AGBL1: variants seen among roughly 807,000 people sequenced by gnomAD.
The protein encoded by AGBL1 is cytosolic carboxypeptidase 4.
In AGBL1, 130 loss-of-function variants were observed where a neutral mutation model predicts 118.9. The ratio of observed to expected loss-of-function variants is 1.09; its 90% confidence interval spans 0.95 to 1.26. AGBL1 has a LOEUF of 1.26. Among genes scored for constraint, AGBL1 ranks in the 50% most tolerant of loss-of-function variants. AGBL1 has a pLI of 0.00. For missense variants in AGBL1, 1,584 were observed against 1,298.1 expected, an observed-to-expected ratio of 1.22 and a Z score of -3.38; for synonymous variants, 555 against 478.9, an observed-to-expected ratio of 1.16 and a Z score of -2.08.
intron 21 of AGBL1, among the ~76,000 whole-genome samples, chr15:86,621,480 G>A (rs537232671): frequency 3.0e-4 from 46 of 152,214 alleles, no homozygotes; most frequent in South Asian, 1.2e-3. Context: ...GGCATTCCTC[G>A]CCTTGTAGCT....
At chr15:86,200,333 A>G (rs955348435) in intron 5 of AGBL1, among the ~76,000 whole-genome samples, 1 of 152,192 alleles carries the variant, frequency 6.6e-6, no homozygotes, top group African/African-American at 2.4e-5. Context: ...CCTGATTTCA[A>G]CAAATTATAA....
chr15:86,970,578 T>C (rs2081097026), intron 23 of AGBL1, among the ~76,000 whole-genome samples: 1 of 152,000 alleles, frequency 6.6e-6, no homozygotes, highest in Admixed American at 6.6e-5. Context: ...TTGTCTTTAT[T>C]TTCAGAGTTA....
intron 22 of AGBL1, among the ~76,000 whole-genome samples, chr15:86,897,703 A>G (rs1033428887): frequency 1.0e-4 from 15 of 150,078 alleles, no homozygotes; most frequent in African/African-American, 3.7e-4. Flanking sequence ...TATGGTTTCC[A>G]TAAATTTTAA....
chr15:86,754,224 C>T (rs1454128295), intron 22 of AGBL1, among the ~76,000 whole-genome samples: 1 of 152,090 alleles, frequency 6.6e-6, no homozygotes, highest in Non-Finnish European at 1.5e-5. Flanking sequence ...TTCGTGCTTA[C>T]TCCAAGTTTG....
chr15:86,954,089 T>C (rs2080906156), intron 23 of AGBL1, among the ~76,000 whole-genome samples: 1 of 152,010 alleles, frequency 6.6e-6, no homozygotes, highest in African/African-American at 2.4e-5. Context: ...ATGGCTTCTA[T>C]TAAAAAGTCA....
At chr15:86,553,797 GCC>G (rs1456895370) in intron 20 of AGBL1, among the ~76,000 whole-genome samples, 1 of 152,104 alleles carries the variant, frequency 6.6e-6, no homozygotes, top group Non-Finnish European at 1.5e-5. Context: ...TATGGAGTTG[GCC>G]AGGTTGGCAT....
intron 23 of AGBL1, among the ~76,000 whole-genome samples, chr15:86,931,583 G>GCTGCTGCTGCTT (rs2080605142): frequency 1.5e-5 from 1 of 67,648 alleles, no homozygotes; most frequent in African/African-American, 3.3e-5. Flanking sequence ...TGCTGCTGCT[G>GCTGCTGCTGCTT]CTGCTGCTGC....
chr15:86,541,925 T>C (rs1383964879), intron 19 of AGBL1, among the ~76,000 whole-genome samples: 1 of 152,196 alleles, frequency 6.6e-6, no homozygotes, highest in African/African-American at 2.4e-5. Flanking sequence ...AATTACAAGA[T>C]TTGATAATAT....
intron 22 of AGBL1, among the ~76,000 whole-genome samples, chr15:86,724,290 A>G (rs1430103147): frequency 6.6e-6 from 1 of 150,568 alleles, no homozygotes; most frequent in East Asian, 2.0e-4. Flanking sequence ...GTGAATGGCT[A>G]AAAATCAATG....
At chr15:86,791,191 G>T (rs763555973) in intron 22 of AGBL1, among the ~76,000 whole-genome samples, 9 of 152,110 alleles carry the variant, frequency 5.9e-5, no homozygotes, top group Non-Finnish European at 1.0e-4. Flanking sequence ...TGGATGACCT[G>T]GTCACTTTAG....
intron 18 of AGBL1, among the ~76,000 whole-genome samples, chr15:86,519,248 A>T (rs760720684): frequency 5.3e-5 from 8 of 152,106 alleles, no homozygotes; most frequent in Non-Finnish European, 1.2e-4. Flanking sequence ...CTATAGCAAT[A>T]ATCACCATTT....
intron 23 of AGBL1, among the ~76,000 whole-genome samples, chr15:86,930,647 C>T (rs574695683): frequency 1.3e-4 from 19 of 151,804 alleles, no homozygotes; most frequent in African/African-American, 3.4e-4. Flanking sequence ...GCTAGCTGTT[C>T]GTTATAGGAT....
chr15:86,351,912 T>C (rs964090696), intron 17 of AGBL1, among the ~76,000 whole-genome samples: 1 of 152,190 alleles, frequency 6.6e-6, no homozygotes, highest in African/African-American at 2.4e-5. Flanking sequence ...AGGGTGTTCT[T>C]TGAGCCTTTA....
chr15:86,628,589 G>T (rs1184662857), intron 21 of AGBL1, among the ~76,000 whole-genome samples: 1 of 152,094 alleles, frequency 6.6e-6, no homozygotes, highest in Non-Finnish European at 1.5e-5. Context: ...GAGGCAAGGA[G>T]ATCGAGACCA....
At chr15:86,798,682 C>T (rs969269163) in intron 22 of AGBL1, among the ~76,000 whole-genome samples, 4 of 150,278 alleles carry the variant, frequency 2.7e-5, no homozygotes, top group Non-Finnish European at 5.9e-5. Context: ...AGTAACTTGT[C>T]CTGTTAATAC....
chr15:86,559,586 C>T (rs2083784559), intron 21 of AGBL1, among the ~76,000 whole-genome samples: 1 of 152,148 alleles, frequency 6.6e-6, no homozygotes, highest in Non-Finnish European at 1.5e-5. Context: ...ATAACAAACA[C>T]ATCTATCATA....
chr15:86,294,908 A>G (rs2141773028), intron 16 of AGBL1, among the ~76,000 whole-genome samples: 1 of 152,140 alleles, frequency 6.6e-6, no homozygotes, highest in Middle Eastern at 3.4e-3. Flanking sequence ...CCCCCACCCC[A>G]TCCCCTGACC....
At chr15:86,220,708 C>T (rs934583468) in intron 5 of AGBL1, among the ~76,000 whole-genome samples, 2 of 152,154 alleles carry the variant, frequency 1.3e-5, no homozygotes, top group African/African-American at 4.8e-5. Context: ...GCTGTTATAA[C>T]TCTCTTGGAG....
Position 86,936,972 on chromosome 15 carries a change from C to T in AGBL1, c.3222-51015C>T, listed in dbSNP as rs148721068. 3.9e-5 allele frequency among the ~76,000 whole-genome samples: 6 copies of T among 152,220 alleles called. No homozygotes were observed. The East Asian group carries it at 9.7e-4, about 24-fold the overall frequency. On this transcript the variant is annotated intron_variant, in intron 23 of 24. Coordinates refer to the AGBL1 transcript ENST00000441037. ...AAATTTATGAAAGGAAACATACAAC[C>T]CCATTAAAAAGTGGGCAAAGGACAT...
Sources: allele counts gnomAD v4.1 joint callset (sites outside exome capture counted in the v4.1 genomes callset), GRCh38; gene constraint gnomAD v4.1.1; transcripts MANE v1.5; gene names NCBI Gene and HGNC (gene_info 2026-07-23, HGNC 2026-07-21).